FHIT: variants seen among roughly 807,000 people sequenced by gnomAD.
FHIT encodes fragile histidine triad diadenosine triphosphatase.
In FHIT, 19 loss-of-function variants were observed where a neutral mutation model predicts 17.9. That is an observed-to-expected ratio of 1.06 (90% CI 0.74 to 1.56). FHIT has a LOEUF of 1.56. Ranked by LOEUF, FHIT falls within the 40% of genes most tolerant of loss-of-function variation. The probability of loss-of-function intolerance (pLI) is 0.00; values close to 1 mark genes in which losing one functional copy is unlikely to be tolerated. For synonymous variants in FHIT, 81 were observed against 69.7 expected, an observed-to-expected ratio of 1.16 and a Z score of -0.81; for missense variants, 248 against 189.2, an observed-to-expected ratio of 1.31 and a Z score of -1.82.
At chr3:59,990,745 G>C (rs184846638) in intron 7 of FHIT, among the ~76,000 whole-genome samples, 2 of 152,134 alleles carry the variant, frequency 1.3e-5, no homozygotes, top group Admixed American at 1.3e-4. Flanking sequence ...AACAATGAGA[G>C]GGTTTTTATT....
At chr3:61,004,095 A>C (rs1239612613) in intron 3 of FHIT, among the ~76,000 whole-genome samples, 1 of 152,168 alleles carries the variant, frequency 6.6e-6, no homozygotes, top group Admixed American at 6.5e-5. Flanking sequence ...TCCCTACCCT[A>C]AAGGAGTGCA....
At chr3:60,346,813 T>A (rs899782419) in intron 5 of FHIT, among the ~76,000 whole-genome samples, 1 of 152,296 alleles carries the variant, frequency 6.6e-6, no homozygotes, top group Non-Finnish European at 1.5e-5. Flanking sequence ...CATAATGAAG[T>A]CAATATGAAA....
intron 5 of FHIT, among the ~76,000 whole-genome samples, chr3:60,518,702 T>C (rs1417580976): frequency 6.6e-6 from 1 of 152,164 alleles, no homozygotes; most frequent in Non-Finnish European, 1.5e-5. Context: ...TATTATACCA[T>C]CGTTAAAAAT....
At chr3:60,949,743 C>T (rs1256006648) in intron 3 of FHIT, among the ~76,000 whole-genome samples, 2 of 151,968 alleles carry the variant, frequency 1.3e-5, no homozygotes, top group Non-Finnish European at 1.5e-5. Context: ...TATTTATTTA[C>T]GTCGTTGTTA....
chr3:59,910,632 C>CTCAGG (rs1169965991), intron 8 of FHIT, among the ~76,000 whole-genome samples: 1 of 151,910 alleles, frequency 6.6e-6, no homozygotes, highest in Non-Finnish European at 1.5e-5. Flanking sequence ...GGTTGTAAGT[C>CTCAGG]TCATGTTCTA....
intron 5 of FHIT, among the ~76,000 whole-genome samples, chr3:60,510,823 T>C (rs1006509174): frequency 3.3e-5 from 5 of 152,192 alleles, no homozygotes; most frequent in African/African-American, 1.2e-4. Context: ...ATGACTATAG[T>C]GCCATTATTA....
At position 60,523,679 on chromosome 3, in the gene FHIT, C is replaced by T. The variant is rs879310674; in HGVS notation, c.103+13181G>A. Among the ~76,000 whole-genome samples the T allele has an allele frequency of 5.3e-5, 8 of 152,098 alleles. No homozygotes were observed. In the East Asian group the frequency reaches 5.8e-4, roughly 11 times the overall value. On this transcript the variant is annotated intron_variant, in intron 5 of 9. Coordinates refer to ENST00000492590, the MANE Select transcript of FHIT (RefSeq NM_002012.4). The stretch of plus-strand genomic sequence containing the variant: ...TCTTGGGAAATCAAATCTCATGAGC[C>T]GACGAGTTATCAAACCCTTCTGTTA...
intron 5 of FHIT, among the ~76,000 whole-genome samples, chr3:60,150,052 G>C (rs970164638): frequency 7.6e-6 from 1 of 131,478 alleles, no homozygotes; most frequent in Non-Finnish European, 1.5e-5. Context: ...CTGGAGTGCA[G>C]TGGCGCAATC....
intron 4 of FHIT, among the ~76,000 whole-genome samples, chr3:60,688,945 T>C (rs1401667962): frequency 2.0e-5 from 3 of 152,152 alleles, no homozygotes; most frequent in Non-Finnish European, 4.4e-5. Flanking sequence ...AAATGCTCAG[T>C]GATATGGTGT....
intron 5 of FHIT, among the ~76,000 whole-genome samples, chr3:60,092,468 T>C (rs867487555): frequency 3.9e-4 from 60 of 152,320 alleles, no homozygotes; most frequent in Middle Eastern, 3.4e-3. Flanking sequence ...ATTTTCAAAA[T>C]CATGCTTTTA....
chr3:60,061,760 A>C (rs1233046078), intron 5 of FHIT, among the ~76,000 whole-genome samples: 2 of 152,222 alleles, frequency 1.3e-5, no homozygotes, highest in African/African-American at 4.8e-5. Flanking sequence ...GCTAGGAAAC[A>C]AATGACATTT....
At chr3:60,658,451 T>C (rs938343159) in intron 4 of FHIT, among the ~76,000 whole-genome samples, 12 of 152,088 alleles carry the variant, frequency 7.9e-5, no homozygotes, top group Non-Finnish European at 1.6e-4. Flanking sequence ...CTTGTGTATA[T>C]CTATTTTCTT....
chr3:60,978,831 T>A (rs1710371018), intron 3 of FHIT, among the ~76,000 whole-genome samples: 1 of 152,154 alleles, frequency 6.6e-6, no homozygotes, highest in African/African-American at 2.4e-5. Context: ...TTTAAATACA[T>A]CTTTATTTTT....
intron 5 of FHIT, among the ~76,000 whole-genome samples, chr3:60,400,425 G>T (rs139030546): frequency 2.6e-5 from 4 of 152,232 alleles, no homozygotes; most frequent in Middle Eastern, 3.4e-3. Context: ...ACTGGAAATG[G>T]ATTCCTGCTT....
At chr3:61,215,939 C>G (rs79862154) in intron 1 of FHIT, among the ~76,000 whole-genome samples, 87,676 of 151,980 alleles carry the variant, frequency 0.58, 28,915 homozygotes, top group African/African-American at 0.88. Flanking sequence ...ACTAGCTAGC[C>G]ATATGTAGAA....
At chr3:60,041,451 C>T (rs1213387920) in intron 5 of FHIT, among the ~76,000 whole-genome samples, 2 of 152,096 alleles carry the variant, frequency 1.3e-5, no homozygotes, top group East Asian at 3.8e-4. Flanking sequence ...ATAATTACCG[C>T]CAAGGTTGGA....
chr3:59,941,071 G>T (rs997383062), intron 7 of FHIT, among the ~76,000 whole-genome samples: 1 of 152,200 alleles, frequency 6.6e-6, no homozygotes, highest in Non-Finnish European at 1.5e-5. Flanking sequence ...TTAAATGAAT[G>T]AGTTAAAAAG....
intron 3 of FHIT, among the ~76,000 whole-genome samples, chr3:61,012,044 T>C (rs114446363): frequency 0.023 from 3,473 of 152,300 alleles, 63 homozygotes; most frequent in African/African-American, 0.05. Context: ...ATAAAGCTAA[T>C]GAGTTAAATC....
intron 5 of FHIT, among the ~76,000 whole-genome samples, chr3:60,508,475 A>G (rs921005810): frequency 6.6e-6 from 1 of 152,202 alleles, no homozygotes; most frequent in Non-Finnish European, 1.5e-5. Context: ...TAATGGTGTG[A>G]GCATAAATGA....
Sources: gnomAD v4.1 joint callset for allele counts (sites outside exome capture counted in the v4.1 genomes callset) on GRCh38, gnomAD v4.1.1 for gene constraint, MANE v1.5 for transcripts, NCBI Gene and HGNC (gene_info 2026-07-23, HGNC 2026-07-21) for gene names.